Variants in TNFRSF1B observed in about 807,000 individuals in gnomAD.
TNFRSF1B encodes the protein tumor necrosis factor receptor superfamily member 1B.
TNFRSF1B carries 19 observed loss-of-function variants against 44.6 expected under a neutral mutation model. That is an observed-to-expected ratio of 0.43 (90% CI 0.30 to 0.62). TNFRSF1B has a LOEUF of 0.62. Among genes scored for constraint, TNFRSF1B ranks in the 20% least tolerant of loss-of-function variants. TNFRSF1B has a pLI of 0.16. For synonymous variants in TNFRSF1B, 252 were observed against 261.1 expected, an observed-to-expected ratio of 0.97 and a Z score of 0.34; for missense variants, 541 against 619.9, an observed-to-expected ratio of 0.87 and a Z score of 1.35.
At position 12,206,756 on chromosome 1, in the gene TNFRSF1B, C is replaced by T; in HGVS notation, c.1122C>T (p.Gly374=). The change falls in exon 10 of 10, where the codon GGC becomes GGT. Residue 374 remains glycine (G), a synonymous_variant. Transcript: ENST00000376259. The stretch of plus-strand genomic sequence containing the variant: ...GCTTAGCAGATTCTTCCCCTGGTGG[C>T]CATGGGACCCAGGTCAATGTCACCT... ...STGSSDSSPG[G]HGTQVNVTCI... is the part of the protein sequence containing the mutation. 5 of 1,591,736 alleles carry T rather than the reference C, an allele frequency of 3.1e-6. No individual in the cohort carries two copies. The highest frequency in any genetic ancestry group is 3.4e-6 in the Non-Finnish European group (4 of 1,164,280).
At chr1:12,192,669 G>A in intron 5 of TNFRSF1B, 145 bp downstream of exon 5, 1 of 995,112 alleles carries the variant, frequency 1.0e-6, no homozygotes, top group Non-Finnish European at 1.5e-6. Flanking sequence ...ATGGCATGGT[G>A]GGCAGGACCT....
At position 12,178,789 on chromosome 1, in the gene TNFRSF1B, T is replaced by C. The variant is rs1638723332; in HGVS notation, c.79-10007T>C. On this transcript the variant is annotated intron_variant, in intron 1 of 9. Transcript: ENST00000376259. The surrounding 1 kb of genome is among the most constrained non-coding windows in gnomAD (Gnocchi z 4.3). ...TGTTGTGACAGCAACAGGTGAGTGA[T>C]GAATACAGGTGGGAGATGCTGGCAG... is the stretch of plus-strand genomic sequence containing the variant. 6.6e-6 allele frequency among the ~76,000 whole-genome samples: 1 copy of C among 152,000 alleles called. No homozygotes were observed. The highest frequency in any genetic ancestry group is 2.1e-4 in the South Asian group (1 of 4,820).
At chr1:12,183,666 A>ATCTATCTATCTAT (rs1250855237) in intron 1 of TNFRSF1B, among the ~76,000 whole-genome samples, 2 of 112,424 alleles carry the variant, frequency 1.8e-5, no homozygotes, top group African/African-American at 3.1e-5. Context: ...TTATCTATCT[A>ATCTATCTATCTAT]TCTATCTATC....
Position 12,178,093 on chromosome 1 carries a change from G to A in TNFRSF1B, c.79-10703G>A, listed in dbSNP as rs1638703761. On this transcript the variant is annotated intron_variant, in intron 1 of 9. Transcript: ENST00000376259. The surrounding 1 kb of genome is among the most constrained non-coding windows in gnomAD (Gnocchi z 4.3). ...GTGGTGGAGGAGACCGTGAGCCGCT[G>A]TCACCTGAACACTGGTGCACTCAGT... Among the ~76,000 whole-genome samples the A allele has an allele frequency of 6.6e-6, 1 of 152,240 alleles. No homozygotes were observed. Among genetic ancestry groups the A allele is most frequent in the Admixed American group, 6.5e-5 (1 of 15,288 alleles).
chr1:12,192,740 G>A, intron 5 of TNFRSF1B, 123 bp from the exon 6 acceptor site: 1 of 923,342 alleles, frequency 1.1e-6, no homozygotes, highest in Non-Finnish European at 1.7e-6. Context: ...AGGAGGGGGT[G>A]GTCCTCAGAG....
intron 1 of TNFRSF1B, among the ~76,000 whole-genome samples, chr1:12,179,352 A>G (rs1638738068): frequency 6.6e-6 from 1 of 152,118 alleles, no homozygotes; most frequent in African/African-American, 2.4e-5. Context: ...GGCCTGATGT[A>G]GCTGCACCCT....
rs1639160152 is a variant in TNFRSF1B at position 12,192,286 on chromosome 1, G to A, written c.458-145G>A. ...TGTGTGTACAGGCATCTGTGTGTGT[G>A]TGTGTGTGTGTGTGTGTGTGTAAGG... On this transcript the variant is annotated intron_variant, in intron 4 of 9. Transcript: ENST00000376259. The A allele has an allele frequency of 8.4e-6, 6 of 710,358 alleles. No homozygotes were observed. In the East Asian group the frequency reaches 1.8e-4, roughly 21 times the overall value. The allele number at this position is 710,358 out of a possible 1,614,324, so 44.0% of individuals were successfully genotyped here.
At chr1:12,202,674 G>A (rs5746058) in intron 9 of TNFRSF1B, among the ~76,000 whole-genome samples, 343 of 152,306 alleles carry the variant, frequency 2.3e-3, no homozygotes, top group Non-Finnish European at 3.7e-3. Flanking sequence ...GGAAGGCTAC[G>A]GAACAGCAGG....
rs763568824 is a variant in TNFRSF1B at position 12,167,058 on chromosome 1, G to C, written c.-34G>C. 3.2e-6 allele frequency: 4 copies of C among 1,269,794 alleles called. No individual in the cohort carries two copies. Among genetic ancestry groups the C allele is most frequent in the Non-Finnish European group, 4.0e-6 (4 of 1,006,756 alleles). 78.7% of individuals were successfully genotyped at this position (1,269,794 alleles called of 1,614,324 possible). A position where few individuals can be genotyped will look rare whatever the true frequency, so the allele number is the denominator to read the frequency against. ...CTGGGCTGCGAGGGCGCGAGGGCGC[G>C]AGGGCAGGGGGCAACCGGACCCCGC... On this transcript the variant is annotated 5_prime_UTR_variant, in exon 1 of 10. Transcript: ENST00000376259.
chr1:12,190,513 C>G (rs1032665198), intron 2 of TNFRSF1B, among the ~76,000 whole-genome samples: 2 of 146,716 alleles, frequency 1.4e-5, no homozygotes, highest in Non-Finnish European at 3.0e-5. Flanking sequence ...TTTAAGGTTT[C>G]CGTTGGTGTT....
In TNFRSF1B at chr1:12,188,885, A is replaced by G. The variant is rs945439; in HGVS notation, c.168A>G (p.Lys56=). Residue 56 remains lysine (K), a synonymous_variant, in exon 2 of 10, where the codon AAA becomes AAG. Transcript: ENST00000376259. ...AGACAGCTCAGATGTGCTGCAGCAA[A>G]TGCTCGCCGGGTGAGGGCAGCCACG... ...YDQTAQMCCS[K]CSPGQHAKVF... The G allele has an allele frequency of 0.23, 373,101 of 1,612,264 alleles. 44,356 individuals are homozygous for G. The highest frequency in any genetic ancestry group is 0.26 in the South Asian group (23,668 of 90,908).
At position 12,188,875 on chromosome 1, in the gene TNFRSF1B, G is replaced by T; in HGVS notation, c.158G>T (p.Cys53Phe). 4 of 1,613,642 alleles carry T rather than the reference G, an allele frequency of 2.5e-6. No individual in the cohort carries two copies. The highest frequency in any genetic ancestry group is 3.4e-6 in the Non-Finnish European group (4 of 1,179,806). The change falls in exon 2 of 10, where the codon TGC (cysteine) becomes TTC (phenylalanine). Residue 53 changes from cysteine (C) to phenylalanine (F), a missense_variant. By Grantham distance (205) the Cys-to-Phe change is radical (BLOSUM62 -2). Coordinates refer to ENST00000376259, the MANE Select transcript of TNFRSF1B (RefSeq NM_001066.3). The stretch of plus-strand genomic sequence containing the variant: ...TACTATGACCAGACAGCTCAGATGT[G>T]CTGCAGCAAATGCTCGCCGGGTGAG... Reference protein sequence around the residue: ...REYYDQTAQMCCSKCSPGQHA... With the variant: ...REYYDQTAQMFCSKCSPGQHA...
rs1171939384 is a variant in TNFRSF1B, at chr1:12,171,988, AT to A, written c.78+4824del. 6.6e-6 allele frequency among the ~76,000 whole-genome samples: 1 copy of A among 151,798 alleles called. No homozygotes were observed. Among genetic ancestry groups the A allele is most frequent in the Non-Finnish European group, 1.5e-5 (1 of 67,980 alleles). On this transcript the variant is annotated intron_variant, in intron 1 of 9. Transcript: ENST00000376259. The surrounding 1 kb of genome is among the most constrained non-coding windows in gnomAD (Gnocchi z 4.5). Reference sequence around the variant, plus strand: ...TCTGTTTGCCTCCATCTCTTGGGGTATTTTTCTGGGCTCCTCTTCCCATTGA... The same window carrying A: ...TCTGTTTGCCTCCATCTCTTGGGGTATTTTCTGGGCTCCTCTTCCCATTGA...
At position 12,169,903 on chromosome 1, in the gene TNFRSF1B, C is replaced by T. The variant is rs147559308; in HGVS notation, c.78+2734C>T. On this transcript the variant is annotated intron_variant, in intron 1 of 9. Transcript: ENST00000376259. The surrounding 1 kb of genome is among the most constrained non-coding windows in gnomAD (Gnocchi z 4.5). The stretch of plus-strand genomic sequence containing the variant: ...CCCTGGAAGTCTTGGTGCTGAGGTG[C>T]CACTATTTGCCTCCTCATCACCCAG... Among the ~76,000 whole-genome samples, 141 of 152,254 alleles carry T rather than the reference C, an allele frequency of 9.3e-4. No homozygotes were observed. Among genetic ancestry groups the T allele is most frequent in the Non-Finnish European group, 1.6e-3 (108 of 68,012 alleles).
At position 12,187,313 on chromosome 1, in the gene TNFRSF1B, C is replaced by G. The variant is rs573118507; in HGVS notation, c.79-1483C>G. 1.1e-3 allele frequency among the ~76,000 whole-genome samples: 161 copies of G among 152,238 alleles called. 1 individual carries two copies. Among genetic ancestry groups the G allele is most frequent in the African/African-American group, 3.8e-3 (158 of 41,544 alleles). On this transcript the variant is annotated intron_variant, in intron 1 of 9. Transcript: ENST00000376259. The surrounding 1 kb of genome is among the most constrained non-coding windows in gnomAD (Gnocchi z 5.5). ...GGATTACAGGCACACGCCACTATGC[C>G]GGGATAATTTTGTATTTTTAGTAGA...
chr1:12,205,021 TA>T (rs950953280), intron 9 of TNFRSF1B, among the ~76,000 whole-genome samples: 40 of 145,154 alleles, frequency 2.8e-4, no homozygotes, highest in South Asian at 4.4e-4. Context: ...ACTAAAAAAA[TA>T]AAAAAAAAAG....
Position 12,192,489 on chromosome 1 carries a change from G to A in TNFRSF1B, c.516G>A (p.Thr172=), listed in dbSNP as rs141628211. The A allele has an allele frequency of 1.1e-5, 17 of 1,614,094 alleles. No homozygotes were observed. Among genetic ancestry groups the A allele is most frequent in the Middle Eastern group, 1.7e-4 (1 of 6,058 alleles). Residue 172 remains threonine (T), a synonymous_variant, in exon 5 of 10, where the codon ACG becomes ACA. Coordinates refer to ENST00000376259, the MANE Select transcript of TNFRSF1B (RefSeq NM_001066.3). ...GTGCCCCGGGGACGTTCTCCAACAC[G>A]ACTTCATCCACGGATATTTGCAGGC... ...KPCAPGTFSN[T]TSSTDICRPH...
Position 12,199,386 on chromosome 1 carries a change from G to T in TNFRSF1B, c.901-2581G>T, listed in dbSNP as rs1639339829. Among the ~76,000 whole-genome samples the T allele has an allele frequency of 1.3e-5, 2 of 152,254 alleles. No homozygotes were observed. The highest frequency in any genetic ancestry group is 4.1e-4 in the South Asian group (2 of 4,830). On this transcript the variant is annotated intron_variant, in intron 8 of 9. Transcript: ENST00000376259. The surrounding 1 kb of genome is among the most constrained non-coding windows in gnomAD (Gnocchi z 4.0). Reference sequence around the variant, plus strand: ...AAACTGGGGGACCCAGCCCAGGGAGGGTGTGGGGGTTCCTGGGGAAGCTGG... The same window carrying T: ...AAACTGGGGGACCCAGCCCAGGGAGTGTGTGGGGGTTCCTGGGGAAGCTGG...
Position 12,191,782 on chromosome 1 carries a change from G to C in TNFRSF1B, c.316G>C (p.Glu106Gln), listed in dbSNP as rs1255338199. The C allele has an allele frequency of 1.9e-6, 3 of 1,613,522 alleles. No homozygotes were observed. The Admixed American group carries it at 5.0e-5, about 27-fold the overall frequency. The change falls in exon 4 of 10, where the codon GAA (glutamate) becomes CAA (glutamine). Residue 106 changes from glutamate to glutamine, a missense_variant. Transcript: ENST00000376259. Reference sequence around the variant, plus strand: ...CCCTCTCGCTGCTCTAGACCAGGTGGAAACTCAAGCCTGCACTCGGGAACA... The same window carrying C: ...CCCTCTCGCTGCTCTAGACCAGGTGCAAACTCAAGCCTGCACTCGGGAACA... ...CGSRCSSDQV[E>Q]TQACTREQNR...
Sources: gnomAD v4.1 joint callset for allele counts (sites outside exome capture counted in the v4.1 genomes callset) on GRCh38, gnomAD v4.1.1 for gene constraint, Gnocchi (gnomAD v3.1) non-coding constraint, MANE v1.5 for transcripts, NCBI Gene and HGNC (gene_info 2026-07-23, HGNC 2026-07-21) for gene names.